The following STPG4 variants were observed in gnomAD, a reference collection of about 807,000 sequenced individuals.
The protein encoded by STPG4 is sperm-tail PG-rich repeat containing 4, also known as protein STPG4.
In STPG4, 41 loss-of-function variants were observed where a neutral mutation model predicts 31.5. That is an observed-to-expected ratio of 1.30 (90% confidence interval 1.01 to 1.69). The LOEUF (loss-of-function observed/expected upper bound fraction) is 1.69, where lower values mean the gene tolerates loss of function less well. Among genes scored for constraint, STPG4 ranks in the 40% most tolerant of loss-of-function variants. The pLI is 0.00. For missense variants in STPG4, 375 were observed against 293.4 expected, an observed-to-expected ratio of 1.28 and a Z score of -2.03; for synonymous variants, 141 against 103.0, an observed-to-expected ratio of 1.37 and a Z score of -2.24.
intron 5 of STPG4, among the ~76,000 whole-genome samples, chr2:47,107,379 TGGCC>T (rs1685936869): frequency 6.6e-6 from 1 of 152,104 alleles, no homozygotes; most frequent in Admixed American, 6.5e-5. Flanking sequence ...TCGGAGCAGC[TGGCC>T]GGCCCTGCCG....
chr2:47,104,613 C>G (rs1260913124), intron 5 of STPG4, among the ~76,000 whole-genome samples: 1 of 151,996 alleles, frequency 6.6e-6, no homozygotes, highest in Non-Finnish European at 1.5e-5. Flanking sequence ...CGTGGACAGT[C>G]TTGCCCCAGG....
chr2:47,153,067 AATTAAAT>A, intron 1 of STPG4, 51 bp from the exon 2 acceptor site: 1 of 1,297,764 alleles, frequency 7.7e-7, no homozygotes, highest in Non-Finnish European at 1.1e-6. Flanking sequence ...GATCCCTTGA[AATTAAAT>A]ATAATTTATA....
intron 3 of STPG4, among the ~76,000 whole-genome samples, chr2:47,130,772 C>T (rs1335632658): frequency 6.6e-6 from 1 of 152,180 alleles, no homozygotes; most frequent in Non-Finnish European, 1.5e-5. Flanking sequence ...GCCTCAGCCT[C>T]CCAAAGTACT....
intron 5 of STPG4, among the ~76,000 whole-genome samples, chr2:47,109,600 T>G (rs868779985): frequency 2.6e-5 from 4 of 151,750 alleles, no homozygotes; most frequent in Non-Finnish European, 5.9e-5. Flanking sequence ...ATAAGCTATA[T>G]TTGAAATGTT....
At chr2:47,119,961 C>A (rs4953467) in intron 5 of STPG4, among the ~76,000 whole-genome samples, 1 of 152,034 alleles carries the variant, frequency 6.6e-6, no homozygotes, top group South Asian at 2.1e-4. Flanking sequence ...ATTGCATGAA[C>A]CAAGGGCTTA....
chr2:47,142,706 C>T (rs1686739370), intron 3 of STPG4, among the ~76,000 whole-genome samples: 1 of 151,996 alleles, frequency 6.6e-6, no homozygotes, highest in African/African-American at 2.4e-5. Flanking sequence ...TTTAACATCA[C>T]ATATATGTAC....
intron 3 of STPG4, among the ~76,000 whole-genome samples, chr2:47,131,889 A>G (rs1388958742): frequency 1.3e-5 from 2 of 152,136 alleles, no homozygotes; most frequent in African/African-American, 4.8e-5. Flanking sequence ...TAAAATAGAC[A>G]GGAGAGGCTT....
intron 5 of STPG4, among the ~76,000 whole-genome samples, chr2:47,097,941 A>C (rs1422502581): frequency 6.7e-6 from 1 of 148,844 alleles, no homozygotes; most frequent in African/African-American, 2.5e-5. Flanking sequence ...AACATGGTGA[A>C]ACCCCATCTC....
At chr2:47,102,113 G>A (rs183932164) in intron 5 of STPG4, among the ~76,000 whole-genome samples, 28 of 151,626 alleles carry the variant, frequency 1.8e-4, no homozygotes, top group East Asian at 3.9e-4. Flanking sequence ...CTGCTGCGTC[G>A]GTGAGCCCAA....
intron 5 of STPG4, among the ~76,000 whole-genome samples, chr2:47,097,939 G>A (rs1685707242): frequency 6.9e-6 from 1 of 143,902 alleles, no homozygotes; most frequent in African/African-American, 2.6e-5. Flanking sequence ...CCAACATGGT[G>A]AAACCCCATC....
At position 47,129,809 on chromosome 2, in the gene STPG4, T is replaced by A; in HGVS notation, c.519+132A>T. On this transcript the variant is annotated intron_variant, in intron 5 of 6. Transcript: ENST00000445927. Reference sequence around the variant, plus strand: ...GTGTTTTCTTGTGTGGATAATTGTGTGGATAATGGTGTTCCTGCTAGGGGG... The same window carrying A: ...GTGTTTTCTTGTGTGGATAATTGTGAGGATAATGGTGTTCCTGCTAGGGGG... The A allele has an allele frequency of 3.6e-6, 4 of 1,118,170 alleles. No individual in the cohort carries two copies. The South Asian group carries it at 6.7e-5, about 19-fold the overall frequency. 69.3% of individuals were successfully genotyped at this position (1,118,170 alleles called of 1,614,324 possible). A position where few individuals can be genotyped will look rare whatever the true frequency, so the allele number is the denominator to read the frequency against.
chr2:47,098,461 T>A (rs994338768), intron 5 of STPG4, among the ~76,000 whole-genome samples: 2 of 152,210 alleles, frequency 1.3e-5, no homozygotes, highest in Non-Finnish European at 2.9e-5. Flanking sequence ...GTTACTGGCC[T>A]TGCTTCTCAG....
At chr2:47,093,134 G>A (rs1685604689) in intron 5 of STPG4, among the ~76,000 whole-genome samples, 1 of 152,222 alleles carries the variant, frequency 6.6e-6, no homozygotes, top group African/African-American at 2.4e-5. Flanking sequence ...CTCTCTGGCA[G>A]GTGGCACAGC....
Position 47,109,849 on chromosome 2 carries a change from G to A in STPG4, c.520-19475C>T, listed in dbSNP as rs951607449. On this transcript the variant is annotated intron_variant, in intron 5 of 6. Transcript: ENST00000445927. ...AAAACAGTTGGAATGATTCCGCAGC[G>A]TTTCACAATGCTGGTTTGAGGGCAT... 5.9e-5 allele frequency among the ~76,000 whole-genome samples: 9 copies of A among 152,238 alleles called. No individual in the cohort carries two copies. The East Asian group carries it at 7.7e-4, about 13-fold the overall frequency.
chr2:47,118,126 C>T (rs1473100110), intron 5 of STPG4, among the ~76,000 whole-genome samples: 1 of 152,034 alleles, frequency 6.6e-6, no homozygotes, highest in Admixed American at 6.6e-5. Flanking sequence ...GGGTCCCCAA[C>T]CCCCAGGCTT....
chr2:47,108,075 C>A (rs1685957969), intron 5 of STPG4, among the ~76,000 whole-genome samples: 1 of 151,494 alleles, frequency 6.6e-6, no homozygotes, highest in Admixed American at 6.6e-5. Context: ...TCTGGTGGGG[C>A]CTTGGAGAAC....
chr2:47,122,791 T>C (rs1337609883), intron 5 of STPG4, among the ~76,000 whole-genome samples: 1 of 149,036 alleles, frequency 6.7e-6, no homozygotes, highest in Non-Finnish European at 1.5e-5. Context: ...TTTTATATTT[T>C]ATTTCTGTTT....
chr2:47,092,467 G>A (rs1173271655), intron 5 of STPG4, among the ~76,000 whole-genome samples: 1 of 150,458 alleles, frequency 6.6e-6, no homozygotes, highest in Non-Finnish European at 1.5e-5. Flanking sequence ...GGTCAAGGCT[G>A]CAGTGAGCCA....
intron 3 of STPG4, among the ~76,000 whole-genome samples, chr2:47,134,406 C>T (rs547621157): frequency 2.4e-4 from 37 of 152,172 alleles, no homozygotes; most frequent in Non-Finnish European, 4.6e-4. Flanking sequence ...TTTTTATAGT[C>T]TCCATAGTTT....
Sources: gnomAD v4.1 joint callset for allele counts (sites outside exome capture counted in the v4.1 genomes callset) on GRCh38, gnomAD v4.1.1 for gene constraint, MANE v1.5 for transcripts, NCBI Gene and HGNC (gene_info 2026-07-23, HGNC 2026-07-21) for gene names.